PNKD: variants seen among roughly 807,000 people sequenced by gnomAD.
PNKD encodes the protein PNKD metallo-beta-lactamase domain containing, also known as probable thioesterase PNKD.
A neutral mutation model predicts 45.3 loss-of-function variants in PNKD; 36 were observed. The observed-to-expected ratio is 0.80, with a 90% CI of 0.61 to 1.05. PNKD has a LOEUF of 1.05. PNKD is among the 50% of genes least tolerant of loss of function. The pLI, the probability that PNKD is intolerant of heterozygous loss-of-function variation, is 0.00. For synonymous variants in PNKD, 197 were observed against 210.1 expected (o/e 0.94, Z 0.54); for missense variants, 511 against 506.6 (o/e 1.01, Z -0.08).
At position 218,342,242 on chromosome 2, in the gene PNKD, G is replaced by C. The variant is rs994482897; in HGVS notation, c.781+98G>C. 3.8e-5 allele frequency: 38 copies of C among 1,005,332 alleles called. 1 individual carries two copies. The Middle Eastern group carries it at 2.8e-3, about 73-fold the overall frequency. The allele number at this position is 1,005,332 out of a possible 1,614,324, so 62.3% of individuals were successfully genotyped here. A position where few individuals can be genotyped will look rare whatever the true frequency, so the allele number is the denominator to read the frequency against. ...GGAGAGCACTGAAGCCTTAGTTTTA[G>C]CACAGATGTTGCCGTGGCAGTTACT... is the stretch of plus-strand genomic sequence containing the variant. On this transcript the variant is annotated intron_variant, in intron 7 of 9. Coordinates refer to ENST00000273077, the MANE Select transcript of PNKD (RefSeq NM_015488.5).
At chr2:218,288,836 C>T (rs1340314203) in intron 2 of PNKD, among the ~76,000 whole-genome samples, 2 of 152,004 alleles carry the variant, frequency 1.3e-5, no homozygotes, top group South Asian at 2.1e-4. Context: ...AGGAAATTGT[C>T]AAAATGGTCC....
intron 2 of PNKD, among the ~76,000 whole-genome samples, chr2:218,334,185 C>T (rs533659522): frequency 1.7e-4 from 26 of 152,124 alleles, no homozygotes; most frequent in Admixed American, 1.4e-3. Context: ...ATATAGCATT[C>T]CCATATGCCT....
intron 2 of PNKD, chr2:218,276,861 C>T: frequency 2.4e-5 from 16 of 677,920 alleles, no homozygotes; most frequent in Non-Finnish European, 4.3e-5. Context: ...GCTGCCTCCA[C>T]GTTGGTGCCT....
At chr2:218,304,588 C>T (rs1693361328) in intron 2 of PNKD, among the ~76,000 whole-genome samples, 1 of 152,222 alleles carries the variant, frequency 6.6e-6, no homozygotes, top group African/African-American at 2.4e-5. Context: ...CTCTCCTCAG[C>T]TTTCCCAGTT....
intron 2 of PNKD, among the ~76,000 whole-genome samples, chr2:218,329,602 A>G (rs1694261026): frequency 6.6e-6 from 1 of 152,164 alleles, no homozygotes; most frequent in African/African-American, 2.4e-5. Flanking sequence ...AAGTCTGGGG[A>G]AGAACCTGTC....
At chr2:218,308,581 ACTTT>A (rs1359567572) in intron 2 of PNKD, among the ~76,000 whole-genome samples, 3 of 148,504 alleles carry the variant, frequency 2.0e-5, no homozygotes, top group Non-Finnish European at 4.5e-5. Flanking sequence ...TTTCTCCACT[ACTTT>A]CTTTCTTTCT....
chr2:218,337,352 C>G (rs1437979735), intron 2 of PNKD, among the ~76,000 whole-genome samples: 1 of 152,152 alleles, frequency 6.6e-6, no homozygotes, highest in Admixed American at 6.6e-5. Context: ...AGATTACAGG[C>G]ATGAGCCACC....
chr2:218,314,222 C>CCT lies in PNKD; in HGVS notation c.237-25561_237-25560insCT, dbSNP rs764538692. Among the ~76,000 whole-genome samples the CCT allele has an allele frequency of 4.3e-3, 294 of 67,718 alleles. 6 individuals are homozygous for CCT. The highest frequency in any genetic ancestry group is 0.017 in the African/African-American group (266 of 15,336). The allele number at this position is 67,718 out of a possible 152,430, so 44.4% of individuals were successfully genotyped here. ...ACAGGCGTGAGCCACCGCGCCCTGG[C>CCT]TTTTTTTTTTTTTTTTTTTTTGAGA... On this transcript the variant is annotated intron_variant, in intron 2 of 9. Transcript: ENST00000273077.
chr2:218,276,096 C>G (rs1691178743), intron 2 of PNKD: 1 of 1,611,418 alleles, frequency 6.2e-7, no homozygotes, highest in Admixed American at 1.7e-5. Context: ...AAGAAGGGGA[C>G]AGAGAATGGC....
Position 218,292,185 on chromosome 2 carries a change from ACCCTGGCTCCGCTCACCAGTG to A in PNKD, c.236+20640_236+20660del, listed in dbSNP as rs1331126487. ...AGAGGGAACACGAGGACACCCCCAG[ACCCTGGCTCCGCTCACCAGTG>A]CCCACAACACGCTGCTGGGCTCCCA... is the stretch of plus-strand genomic sequence containing the variant. On this transcript the variant is annotated intron_variant, in intron 2 of 9. Coordinates refer to ENST00000273077, the MANE Select transcript of PNKD (RefSeq NM_015488.5). Among the ~76,000 whole-genome samples the A allele has an allele frequency of 2.0e-5, 3 of 152,206 alleles. No individual in the cohort carries two copies. In the East Asian group the frequency reaches 5.8e-4, roughly 29 times the overall value.
chr2:218,335,706 C>T (rs1167752956), intron 2 of PNKD, among the ~76,000 whole-genome samples: 1 of 152,112 alleles, frequency 6.6e-6, no homozygotes, highest in Non-Finnish European at 1.5e-5. Flanking sequence ...TTGGCAAAGC[C>T]CTTCAACCAT....
In PNKD at chr2:218,276,876, T is replaced by C. The variant is rs1691270074; in HGVS notation, c.236+5327T>C. 4.5e-5 allele frequency: 33 copies of C among 729,200 alleles called. No homozygotes were observed. In the South Asian group the frequency reaches 4.9e-4, roughly 11 times the overall value. The allele number at this position is 729,200 out of a possible 1,614,324, so 45.2% of individuals were successfully genotyped here. A position where few individuals can be genotyped will look rare whatever the true frequency, so the allele number is the denominator to read the frequency against. On this transcript the variant is annotated intron_variant, in intron 2 of 9. Transcript: ENST00000273077. ...GCTGCCTCCACGTTGGTGCCTTTGC[T>C]AGCCAGTCGAGAGGTTCTGGAGGTC...
At chr2:218,284,000 C>A (rs62182826) in intron 2 of PNKD, 71,482 of 151,818 alleles carry the variant, frequency 0.47, 18,679 homozygotes, top group South Asian at 0.63. Flanking sequence ...ACCTGCTCTA[C>A]TAAAAATGCA....
intron 2 of PNKD, among the ~76,000 whole-genome samples, chr2:218,318,415 C>T (rs546984998): frequency 1.3e-5 from 2 of 152,338 alleles, no homozygotes; most frequent in East Asian, 3.9e-4. Flanking sequence ...GCAGCTTCCT[C>T]TGATATTATG....
chr2:218,337,326 G>C (rs955185982), intron 2 of PNKD, among the ~76,000 whole-genome samples: 4 of 152,102 alleles, frequency 2.6e-5, no homozygotes, highest in African/African-American at 4.8e-5. Context: ...ACCTGCCTTG[G>C]CCTCCCAAAG....
At chr2:218,324,340 AG>A (rs1290292167) in intron 2 of PNKD, among the ~76,000 whole-genome samples, 2 of 152,214 alleles carry the variant, frequency 1.3e-5, no homozygotes, top group Non-Finnish European at 2.9e-5. Flanking sequence ...GGTTGTGGGG[AG>A]AGCCTAAGCC....
At chr2:218,278,328 G>A (rs1242048989) in intron 2 of PNKD, 2 of 643,134 alleles carry the variant, frequency 3.1e-6, no homozygotes, top group South Asian at 3.9e-5. Context: ...AAGAGTGACA[G>A]CTAGTTAGCT....
In PNKD at chr2:218,340,862, C is replaced by T. The variant is rs1694653130; in HGVS notation, c.524+76C>T. ...CAGGACTGGGCCCATTGAGGACGGC[C>T]GGGGCCAGAGATCAAGAAGTCAGTA... On this transcript the variant is annotated intron_variant, in intron 5 of 9. Coordinates refer to ENST00000273077, the MANE Select transcript of PNKD (RefSeq NM_015488.5). This position sits in a 1 kb window ranked among gnomAD's most constrained non-coding sequence, Gnocchi z 4.2. The T allele has an allele frequency of 8.8e-6, 11 of 1,250,356 alleles. No homozygotes were observed. The East Asian group carries it at 1.2e-4, about 13-fold the overall frequency. The allele number at this position is 1,250,356 out of a possible 1,614,324, so 77.5% of individuals were successfully genotyped here.
chr2:218,333,197 C>T (rs1694380971), intron 2 of PNKD, among the ~76,000 whole-genome samples: 1 of 152,220 alleles, frequency 6.6e-6, no homozygotes, highest in Non-Finnish European at 1.5e-5. Context: ...TACAAGCTCC[C>T]CGAAAGCAGG....
Sources: allele counts gnomAD v4.1 joint callset (sites outside exome capture counted in the v4.1 genomes callset), GRCh38; gene constraint gnomAD v4.1.1; non-coding constraint Gnocchi (gnomAD v3.1); transcripts MANE v1.5; gene names NCBI Gene and HGNC (gene_info 2026-07-23, HGNC 2026-07-21).